The following FHOD3 variants were observed in gnomAD, a reference collection of about 807,000 sequenced individuals.
FHOD3 encodes FH1/FH2 domain-containing protein 3.
In FHOD3, 90 loss-of-function variants were observed where a neutral mutation model predicts 173.0. The observed-to-expected ratio is 0.52, with a 90% CI of 0.44 to 0.62. FHOD3 has a LOEUF of 0.62. FHOD3 is among the 20% of genes least tolerant of loss of function. The pLI is 0.00. For synonymous variants in FHOD3, 828 were observed against 823.0 expected (o/e 1.01, Z -0.10); for missense variants, 1,945 against 2,034.7 (o/e 0.96, Z 0.85).
chr18:36,594,453 G>A (rs1410882348), intron 6 of FHOD3, among the ~76,000 whole-genome samples: 2 of 152,162 alleles, frequency 1.3e-5, no homozygotes, highest in African/African-American at 2.4e-5. Context: ...AAACGAAGAC[G>A]TAATCGATTC....
intron 3 of FHOD3, among the ~76,000 whole-genome samples, chr18:36,482,612 C>A (rs2053962246): frequency 6.6e-6 from 1 of 152,140 alleles, no homozygotes; most frequent in African/African-American, 2.4e-5. Context: ...CTGATGCAGA[C>A]CCCGTGGTTC....
At chr18:36,303,889 G>T (rs1422423581) in intron 1 of FHOD3, among the ~76,000 whole-genome samples, 1 of 152,064 alleles carries the variant, frequency 6.6e-6, no homozygotes, top group Non-Finnish European at 1.5e-5. Context: ...GGAGCTGGGG[G>T]ACTGTTTCTG....
intron 3 of FHOD3, among the ~76,000 whole-genome samples, chr18:36,457,163 A>G (rs2052266776): frequency 6.6e-6 from 1 of 152,164 alleles, no homozygotes; most frequent in Non-Finnish European, 1.5e-5. Context: ...GCTGAGAGGG[A>G]CAGGTGAGGA....
At chr18:36,348,363 ACTCAG>A (rs2045963201) in intron 1 of FHOD3, among the ~76,000 whole-genome samples, 1 of 152,102 alleles carries the variant, frequency 6.6e-6, no homozygotes, top group Admixed American at 6.5e-5. Flanking sequence ...GAAGTGGGGC[ACTCAG>A]GGGACCCATA....
intron 13 of FHOD3, among the ~76,000 whole-genome samples, chr18:36,654,156 G>A (rs1265608191): frequency 2.6e-5 from 4 of 152,034 alleles, no homozygotes; most frequent in Non-Finnish European, 5.9e-5. Context: ...CCTGTGTTTC[G>A]GGGACCCCAG....
rs1350041881 is a variant in FHOD3 at position 36,612,053 on chromosome 18, A to G, written c.915A>G (p.Lys305=). 1.9e-5 allele frequency: 30 copies of G among 1,614,066 alleles called. No homozygotes were observed. Among genetic ancestry groups the G allele is most frequent in the Non-Finnish European group, 2.5e-5 (29 of 1,180,036 alleles). ...AAVSQRHLNK[K]GTDLDLVEQL... ...TGTCCCAGAGGCACTTGAACAAGAA[A>G]GGGACTGACCTGGACTTAGTGGAGC... The change falls in exon 9 of 29, where the codon AAA becomes AAG. Residue 305 remains lysine (K), a synonymous_variant. Transcript: ENST00000590592.
intron 3 of FHOD3, among the ~76,000 whole-genome samples, chr18:36,403,216 G>T (rs1423825586): frequency 6.6e-6 from 1 of 152,166 alleles, no homozygotes; most frequent in Non-Finnish European, 1.5e-5. Context: ...GCTGGCCTAG[G>T]GTGTGTTCTG....
chr18:36,715,637 A>G (rs8097414), intron 18 of FHOD3, among the ~76,000 whole-genome samples: 33,120 of 152,060 alleles, frequency 0.22, 4,295 homozygotes, highest in African/African-American at 0.36. Context: ...CATCCATGAA[A>G]AAGGCAATTT....
intron 3 of FHOD3, among the ~76,000 whole-genome samples, chr18:36,377,862 G>A (rs2047526715): frequency 6.6e-6 from 1 of 152,130 alleles, no homozygotes; most frequent in Non-Finnish European, 1.5e-5. Flanking sequence ...TTGACTCCAG[G>A]CCCTGGACCT....
chr18:36,362,649 A>G (rs1446357258), intron 2 of FHOD3, among the ~76,000 whole-genome samples: 2 of 152,058 alleles, frequency 1.3e-5, no homozygotes, highest in Non-Finnish European at 2.9e-5. Flanking sequence ...AGGTGAGGAG[A>G]GGACCAGTCC....
At chr18:36,509,437 A>G (rs1335473807) in intron 4 of FHOD3, among the ~76,000 whole-genome samples, 1 of 78,598 alleles carries the variant, frequency 1.3e-5, no homozygotes. Context: ...AAAAAAAAAA[A>G]AAAAGAAAAA....
intron 5 of FHOD3, among the ~76,000 whole-genome samples, chr18:36,534,115 T>A (rs964636796): frequency 1.3e-5 from 2 of 152,194 alleles, no homozygotes; most frequent in African/African-American, 4.8e-5. Flanking sequence ...TTCCTCTTCT[T>A]GGCCCTGAAT....
chr18:36,627,703 G>T (rs1483722358), intron 10 of FHOD3, among the ~76,000 whole-genome samples: 1 of 152,208 alleles, frequency 6.6e-6, no homozygotes, highest in Non-Finnish European at 1.5e-5. Context: ...CTGTTGGAGG[G>T]ATTTTGCCTG....
At chr18:36,440,939 C>T (rs924415179) in intron 3 of FHOD3, among the ~76,000 whole-genome samples, 2 of 152,140 alleles carry the variant, frequency 1.3e-5, no homozygotes, top group African/African-American at 4.8e-5. Context: ...ACCCTCCTGC[C>T]CTGCTATTGC....
chr18:36,418,084 CA>C (rs1448480930), intron 3 of FHOD3, among the ~76,000 whole-genome samples: 1 of 152,134 alleles, frequency 6.6e-6, no homozygotes, highest in Non-Finnish European at 1.5e-5. Context: ...GTTTTTGCGG[CA>C]AAAATGACAC....
intron 14 of FHOD3, among the ~76,000 whole-genome samples, chr18:36,674,210 G>A (rs960023879): frequency 9.2e-5 from 14 of 152,162 alleles, no homozygotes; most frequent in African/African-American, 3.4e-4. Flanking sequence ...TGGCTTTCAA[G>A]TTCACCTGAC....
At chr18:36,303,011 G>A (rs1005834336) in intron 1 of FHOD3, among the ~76,000 whole-genome samples, 3 of 152,226 alleles carry the variant, frequency 2.0e-5, no homozygotes, top group African/African-American at 7.2e-5. Context: ...TCCAGCAGGT[G>A]CTGTCATGGC....
At chr18:36,433,449 C>G (rs2050657660) in intron 3 of FHOD3, among the ~76,000 whole-genome samples, 1 of 152,156 alleles carries the variant, frequency 6.6e-6, no homozygotes, top group African/African-American at 2.4e-5. Flanking sequence ...TGGAAATGAG[C>G]TTCAGGACCA....
chr18:36,348,673 C>T (rs956807522), intron 1 of FHOD3, among the ~76,000 whole-genome samples: 2 of 152,146 alleles, frequency 1.3e-5, no homozygotes, highest in Non-Finnish European at 2.9e-5. Context: ...CCCGGTGCTC[C>T]AGGCTCTGTT....
Sources: gnomAD v4.1 joint callset for allele counts (sites outside exome capture counted in the v4.1 genomes callset) on GRCh38, gnomAD v4.1.1 for gene constraint, MANE v1.5 for transcripts, NCBI Gene and HGNC (gene_info 2026-07-23, HGNC 2026-07-21) for gene names.